AFF3: variants seen among roughly 807,000 people sequenced by gnomAD.
The protein encoded by AFF3 is AF4/FMR2 family member 3.
Under a neutral mutation model 129.7 loss-of-function variants are expected in AFF3, and 32 were observed. That is an observed-to-expected ratio of 0.25 (90% CI 0.19 to 0.33). AFF3 has a LOEUF of 0.33. Among genes scored for constraint, AFF3 ranks in the 10% least tolerant of loss-of-function variants. The pLI is 1.00. For synonymous variants in AFF3, 644 were observed against 635.4 expected (o/e 1.01, Z -0.20); for missense variants, 1,373 against 1,592.0 (o/e 0.86, Z 2.34).
intron 4 of AFF3, among the ~76,000 whole-genome samples, chr2:100,081,310 A>C (rs1331826378): frequency 6.6e-6 from 1 of 151,984 alleles, no homozygotes; most frequent in Non-Finnish European, 1.5e-5. Context: ...TTCTCTAACC[A>C]GGAAGGAGTT....
intron 7 of AFF3, among the ~76,000 whole-genome samples, chr2:99,883,940 C>A (rs899813934): frequency 6.6e-6 from 1 of 152,142 alleles, no homozygotes; most frequent in Non-Finnish European, 1.5e-5. Context: ...CAGAACTCTG[C>A]TTGATTATTC....
intron 4 of AFF3, among the ~76,000 whole-genome samples, chr2:100,040,138 T>C (rs2105043472): frequency 6.6e-6 from 1 of 152,254 alleles, no homozygotes; most frequent in African/African-American, 2.4e-5. Flanking sequence ...TTTGCCCCCT[T>C]TTCACGACCC....
intron 4 of AFF3, among the ~76,000 whole-genome samples, chr2:100,061,580 C>G (rs1312753984): frequency 6.6e-6 from 1 of 152,112 alleles, no homozygotes. Context: ...ATGGAGGCAA[C>G]ACATGCTGCA....
At chr2:99,745,279 C>T (rs1044764294) in intron 9 of AFF3, among the ~76,000 whole-genome samples, 2 of 152,042 alleles carry the variant, frequency 1.3e-5, no homozygotes, top group African/African-American at 4.8e-5. Context: ...TAGACTGTTA[C>T]CACATTTATG....
chr2:100,115,795 T>C (rs1465227845), intron 2 of AFF3, among the ~76,000 whole-genome samples: 1 of 152,186 alleles, frequency 6.6e-6, no homozygotes, highest in African/African-American at 2.4e-5. Context: ...TTTTCTTTTG[T>C]TTCTTTCAGT....
chr2:99,937,422 C>T (rs780452009), intron 7 of AFF3, among the ~76,000 whole-genome samples: 5 of 152,086 alleles, frequency 3.3e-5, no homozygotes, highest in Non-Finnish European at 5.9e-5. Flanking sequence ...TTTTTTAAGA[C>T]GGAGTCTCGC....
chr2:99,982,184 T>G (rs1178164589), intron 7 of AFF3, among the ~76,000 whole-genome samples: 1 of 152,158 alleles, frequency 6.6e-6, no homozygotes, highest in African/African-American at 2.4e-5. Flanking sequence ...CCAAATCTCA[T>G]GTTGTAGATT....
intron 1 of AFF3, among the ~76,000 whole-genome samples, chr2:100,135,685 T>A (rs1463375302): frequency 6.6e-6 from 1 of 152,118 alleles, no homozygotes; most frequent in Non-Finnish European, 1.5e-5. Context: ...TTTAGGGTAG[T>A]TGGTTATGCG....
intron 8 of AFF3, among the ~76,000 whole-genome samples, chr2:99,768,435 A>G (rs1394840106): frequency 6.6e-6 from 1 of 152,158 alleles, no homozygotes; most frequent in African/African-American, 2.4e-5. Flanking sequence ...TTCACTGAGC[A>G]TCTTTCCCAA....
chr2:99,630,975 C>G (rs946273028), intron 13 of AFF3: 11 of 458,190 alleles, frequency 2.4e-5, no homozygotes, highest in Non-Finnish European at 4.1e-5. Flanking sequence ...GGAGCTGAGA[C>G]AGAGGAGGGC....
At chr2:99,884,231 T>C (rs78266048) in intron 7 of AFF3, among the ~76,000 whole-genome samples, 1 of 152,184 alleles carries the variant, frequency 6.6e-6, no homozygotes, top group Admixed American at 6.5e-5. Context: ...GGGGTTACGA[T>C]GTGGTGTTCT....
chr2:99,687,122 A>G (rs2104613160), intron 11 of AFF3, among the ~76,000 whole-genome samples: 1 of 152,334 alleles, frequency 6.6e-6, no homozygotes, highest in African/African-American at 2.4e-5. Context: ...GAGTGCAATG[A>G]GTATGTAACA....
At chr2:99,595,748 C>G (rs915807345) in intron 14 of AFF3, among the ~76,000 whole-genome samples, 12 of 152,104 alleles carry the variant, frequency 7.9e-5, no homozygotes, top group African/African-American at 2.9e-4. Flanking sequence ...GAAGCAGGGG[C>G]CTTGGCTGAG....
At chr2:100,037,729 ATAT>A (rs1410584370) in intron 4 of AFF3, among the ~76,000 whole-genome samples, 6 of 129,056 alleles carry the variant, frequency 4.6e-5, no homozygotes, top group Admixed American at 9.5e-5. Flanking sequence ...ATATATATTT[ATAT>A]TAATTTGTGT....
intron 8 of AFF3, among the ~76,000 whole-genome samples, chr2:99,769,225 G>T (rs933404061): frequency 6.6e-6 from 1 of 151,990 alleles, no homozygotes; most frequent in African/African-American, 2.4e-5. Context: ...TTTTCAAACA[G>T]CCTGTCTTCA....
chr2:99,797,852 A>AT (rs1685658857), intron 8 of AFF3, among the ~76,000 whole-genome samples: 2 of 152,150 alleles, frequency 1.3e-5, no homozygotes, highest in Non-Finnish European at 2.9e-5. Flanking sequence ...ACATTTTCAG[A>AT]TATGCAACAG....
At chr2:99,733,803 A>G (rs1680033691) in intron 10 of AFF3, among the ~76,000 whole-genome samples, 2 of 152,076 alleles carry the variant, frequency 1.3e-5, no homozygotes, top group Non-Finnish European at 2.9e-5. Context: ...TCATTGCTCA[A>G]TTTGTCTATT....
intron 10 of AFF3, among the ~76,000 whole-genome samples, chr2:99,735,628 G>A (rs1249757062): frequency 2.0e-5 from 3 of 152,088 alleles, no homozygotes; most frequent in Non-Finnish European, 4.4e-5. Context: ...GAGTAGCTGG[G>A]ACTACAGGCG....
chr2:99,847,791 G>C (rs1233507921), intron 7 of AFF3, among the ~76,000 whole-genome samples: 2 of 152,028 alleles, frequency 1.3e-5, no homozygotes, highest in Non-Finnish European at 2.9e-5. Context: ...TTAGCCCCGG[G>C]TGATCCTGCT....
Sources: allele counts gnomAD v4.1 joint callset (sites outside exome capture counted in the v4.1 genomes callset), GRCh38; gene constraint gnomAD v4.1.1; transcripts MANE v1.5; gene names NCBI Gene and HGNC (gene_info 2026-07-23, HGNC 2026-07-21).